Variants in LRRC7 observed in about 807,000 individuals in gnomAD.
LRRC7 encodes leucine rich repeat containing 7.
A neutral mutation model predicts 175.7 loss-of-function variants in LRRC7; 23 were observed. That is an observed-to-expected ratio of 0.13 (90% confidence interval 0.09 to 0.19). The LOEUF is 0.19. LRRC7 is among the 10% of genes least tolerant of loss of function. LRRC7 has a pLI of 1.00. For missense variants in LRRC7, 1,354 were observed against 1,904.7 expected, an observed-to-expected ratio of 0.71 and a Z score of 5.38; for synonymous variants, 685 against 680.9, an observed-to-expected ratio of 1.01 and a Z score of -0.09.
chr1:69,974,648 T>TATGAA (rs1652624713), intron 8 of LRRC7, among the ~76,000 whole-genome samples: 1 of 152,244 alleles, frequency 6.6e-6, no homozygotes, highest in African/African-American at 2.4e-5. Flanking sequence ...ATCTATTGAT[T>TATGAA]ATGAAATGCT....
At chr1:70,008,899 A>G (rs1434242058) in intron 11 of LRRC7, among the ~76,000 whole-genome samples, 1 of 152,174 alleles carries the variant, frequency 6.6e-6, no homozygotes, top group Admixed American at 6.5e-5. Flanking sequence ...CACAATGTAC[A>G]TCTGTTATTC....
At chr1:70,023,780 A>C (rs1391194148) in intron 17 of LRRC7, among the ~76,000 whole-genome samples, 1 of 152,128 alleles carries the variant, frequency 6.6e-6, no homozygotes. Flanking sequence ...AATAGCTAAA[A>C]CTTAATTCTT....
intron 22 of LRRC7, among the ~76,000 whole-genome samples, chr1:70,046,792 G>A (rs1174755946): frequency 2.0e-5 from 3 of 151,932 alleles, no homozygotes; most frequent in Non-Finnish European, 2.9e-5. Flanking sequence ...ACCCTGATAC[G>A]TCTCTTGTAC....
chr1:70,013,273 A>G lies in LRRC7; in HGVS notation c.1250+184A>G, dbSNP rs187581392. Among the ~76,000 whole-genome samples, 288 of 152,046 alleles carry G rather than the reference A, an allele frequency of 1.9e-3. 1 individual carries two copies. The highest frequency in any genetic ancestry group is 6.0e-3 in the African/African-American group (251 of 41,568). On this transcript the variant is annotated intron_variant, in intron 13 of 26. Transcript: ENST00000651989. ...AAACCAAGTATTTCTGAATTTTGTT[A>G]TTTGATTATATCAAAAGCATATGTA...
intron 1 of LRRC7, among the ~76,000 whole-genome samples, chr1:69,581,867 C>A (rs1036557098): frequency 6.6e-6 from 1 of 152,006 alleles, no homozygotes; most frequent in Non-Finnish European, 1.5e-5. Flanking sequence ...TACTCCTGGT[C>A]CTTTTATACT....
At chr1:69,995,700 A>T (rs1236057691) in intron 11 of LRRC7, among the ~76,000 whole-genome samples, 1 of 152,072 alleles carries the variant, frequency 6.6e-6, no homozygotes, top group Admixed American at 6.6e-5. Flanking sequence ...GATGATTTCC[A>T]ATTTCATCCA....
In LRRC7 at chr1:70,125,523, T is replaced by A. The variant is rs1376966707; in HGVS notation, c.*3636T>A. ...GCTAAAGAGAGAGGGCCGGGCGCGGTGGCTCACGCCTGTAATCCCAGCACT... is the reference window on the plus strand; with the variant it reads ...GCTAAAGAGAGAGGGCCGGGCGCGGAGGCTCACGCCTGTAATCCCAGCACT... On this transcript the variant is annotated 3_prime_UTR_variant, in exon 27 of 27. Coordinates refer to ENST00000651989, the MANE Select transcript of LRRC7 (RefSeq NM_001370785.2). 3.3e-5 allele frequency among the ~76,000 whole-genome samples: 5 copies of A among 152,204 alleles called. No individual in the cohort carries two copies. Among genetic ancestry groups the A allele is most frequent in the Non-Finnish European group, 7.3e-5 (5 of 68,028 alleles).
chr1:69,739,035 A>G (rs1668426591), intron 2 of LRRC7, among the ~76,000 whole-genome samples: 1 of 152,056 alleles, frequency 6.6e-6, no homozygotes. Flanking sequence ...TGAACAATAA[A>G]CAGGATTTGA....
At chr1:69,866,513 G>A (rs1570409254) in intron 7 of LRRC7, among the ~76,000 whole-genome samples, 1 of 152,122 alleles carries the variant, frequency 6.6e-6, no homozygotes, top group East Asian at 1.9e-4. Context: ...TTGCAAGCAT[G>A]GACCTTCTGA....
chr1:69,916,257 T>A (rs910038983), intron 7 of LRRC7, among the ~76,000 whole-genome samples: 1 of 132,728 alleles, frequency 7.5e-6, no homozygotes, highest in Non-Finnish European at 1.6e-5. Context: ...AATAAAAATA[T>A]AAATATAAAA....
At chr1:69,974,143 C>G (rs1652571729) in intron 8 of LRRC7, among the ~76,000 whole-genome samples, 1 of 152,162 alleles carries the variant, frequency 6.6e-6, no homozygotes, top group East Asian at 1.9e-4. Flanking sequence ...TGCTTACTCA[C>G]ACAATATTGT....
chr1:69,900,870 A>G (rs916311098), intron 7 of LRRC7, among the ~76,000 whole-genome samples: 4 of 152,176 alleles, frequency 2.6e-5, no homozygotes, highest in African/African-American at 9.7e-5. Context: ...GACCTCCAAA[A>G]CTAAATCTAC....
intron 14 of LRRC7, among the ~76,000 whole-genome samples, chr1:70,017,340 TA>T (rs1657057312): frequency 6.6e-6 from 1 of 152,180 alleles, no homozygotes. Flanking sequence ...GTTTTGATAT[TA>T]TTTTTTATCC....
At chr1:69,865,469 C>CTTTTTTTTTTTGTTTTTTTT (rs1684822903) in intron 7 of LRRC7, among the ~76,000 whole-genome samples, 1 of 51,262 alleles carries the variant, frequency 2.0e-5, no homozygotes, top group African/African-American at 8.1e-5. Context: ...AAGACAGTTC[C>CTTTTTTTTTTTGTTTTTTTT]TTTTTTTTTT....
chr1:69,649,754 G>A (rs190591764), intron 1 of LRRC7, among the ~76,000 whole-genome samples: 25 of 151,988 alleles, frequency 1.6e-4, no homozygotes, highest in Admixed American at 1.6e-3. Context: ...GTTCTTTTAC[G>A]CAGTTCACAA....
chr1:69,931,462 T>A, intron 7 of LRRC7, 45 bp from the exon 8 acceptor site: 1 of 1,484,784 alleles, frequency 6.7e-7, no homozygotes, highest in South Asian at 1.1e-5. Flanking sequence ...TAGAGCAATG[T>A]ATCATGCACT....
At chr1:69,754,277 G>C (rs1392461648) in intron 2 of LRRC7, among the ~76,000 whole-genome samples, 1 of 152,062 alleles carries the variant, frequency 6.6e-6, no homozygotes. Context: ...ACAATAGAAA[G>C]AGAAACACAG....
chr1:69,620,859 A>G (rs1650454551), intron 1 of LRRC7, among the ~76,000 whole-genome samples: 1 of 152,090 alleles, frequency 6.6e-6, no homozygotes, highest in Non-Finnish European at 1.5e-5. Context: ...CTTTACTTGT[A>G]TTACTTAAAG....
At chr1:69,735,543 TTAG>T (rs1378564619) in intron 2 of LRRC7, among the ~76,000 whole-genome samples, 1 of 152,106 alleles carries the variant, frequency 6.6e-6, no homozygotes, top group East Asian at 1.9e-4. Flanking sequence ...ATTTGACCAC[TTAG>T]TGGAGGTGAT....
Sources: allele counts gnomAD v4.1 joint callset (sites outside exome capture counted in the v4.1 genomes callset), GRCh38; gene constraint gnomAD v4.1.1; transcripts MANE v1.5; gene names NCBI Gene and HGNC (gene_info 2026-07-23, HGNC 2026-07-21).